The following SFXN5 variants were observed in gnomAD, a reference collection of about 807,000 sequenced individuals.
SFXN5 encodes the protein sideroflexin-5.
A neutral mutation model predicts 50.2 loss-of-function variants in SFXN5; 43 were observed. That is an observed-to-expected ratio of 0.86 (90% CI 0.67 to 1.11). The LOEUF (loss-of-function observed/expected upper bound fraction) is 1.11. Ranked by LOEUF, SFXN5 falls within the 50% of genes least tolerant of loss-of-function variation. SFXN5 has a pLI of 0.00. For missense variants in SFXN5, 463 were observed against 454.1 expected (o/e 1.02, Z -0.18); for synonymous variants, 203 against 185.8 (o/e 1.09, Z -0.75).
At chr2:73,047,251 T>TATATATATATATATATACACACAC (rs369153284) in intron 2 of SFXN5, among the ~76,000 whole-genome samples, 4 of 27,584 alleles carry the variant, frequency 1.5e-4, no homozygotes, top group Non-Finnish European at 3.2e-4. Context: ...AAAAAATATA[T>TATATATATATATATATACACACAC]ATATATATAT....
At chr2:72,971,768 C>T (rs559008717) in intron 10 of SFXN5, 83 bp from the exon 11 acceptor site, 165 of 1,042,958 alleles carry the variant, frequency 1.6e-4, no homozygotes, top group Middle Eastern at 4.1e-4. Context: ...CTCCTTCCTA[C>T]GCAAGCCTTG....
At chr2:72,967,320 C>T (rs1321567161) in intron 12 of SFXN5, 4 of 152,144 alleles carry the variant, frequency 2.6e-5, no homozygotes, top group Non-Finnish European at 5.9e-5. Context: ...ATGGAGATGA[C>T]ATTCTAGTAG....
intron 12 of SFXN5, among the ~76,000 whole-genome samples, chr2:72,962,755 C>T (rs1673891079): frequency 6.6e-6 from 1 of 152,206 alleles, no homozygotes; most frequent in South Asian, 2.1e-4. Flanking sequence ...GCTCATGTTA[C>T]CTGCGGGAAG....
intron 1 of SFXN5, among the ~76,000 whole-genome samples, chr2:73,062,858 T>C (rs574675252): frequency 3.7e-4 from 57 of 152,334 alleles, no homozygotes; most frequent in African/African-American, 1.3e-3. Flanking sequence ...TGAGTTTACC[T>C]AGCAGAGGAG....
At chr2:72,978,285 CT>C (rs1190004946) in intron 10 of SFXN5, among the ~76,000 whole-genome samples, 276 of 139,816 alleles carry the variant, frequency 2.0e-3, no homozygotes, top group Non-Finnish European at 2.0e-3. Flanking sequence ...CTTTTTCTTT[CT>C]TTTTTTTTTT....
intron 9 of SFXN5, among the ~76,000 whole-genome samples, chr2:72,989,160 T>A (rs892388988): frequency 6.6e-6 from 1 of 152,160 alleles, no homozygotes; most frequent in Non-Finnish European, 1.5e-5. Flanking sequence ...AAAACCCAAG[T>A]TCAACCCCGA....
intron 1 of SFXN5, chr2:73,059,255 C>A (rs1682549068): frequency 3.0e-6 from 3 of 985,572 alleles, no homozygotes; most frequent in African/African-American, 3.5e-5. Flanking sequence ...ACCAAGCAAC[C>A]CGGCTGCTGG....
chr2:73,022,460 G>A (rs1677013862), intron 5 of SFXN5, 62 bp downstream of exon 5: 1 of 1,290,944 alleles, frequency 7.7e-7, no homozygotes, highest in South Asian at 1.2e-5. Flanking sequence ...GGATGCTCCT[G>A]GAACTGTGAC....
At chr2:73,045,419 C>A (rs777030058) in intron 2 of SFXN5, among the ~76,000 whole-genome samples, 4 of 151,966 alleles carry the variant, frequency 2.6e-5, no homozygotes, top group Non-Finnish European at 5.9e-5. Flanking sequence ...CTGAGTCCAG[C>A]GTAACACAGA....
intron 12 of SFXN5, among the ~76,000 whole-genome samples, chr2:72,967,645 G>A (rs745705336): frequency 1.2e-4 from 19 of 152,170 alleles, no homozygotes; most frequent in East Asian, 5.8e-4. Context: ...TATACCACAC[G>A]CCCCCAATTC....
At chr2:72,951,371 C>A (rs1396246801) in intron 13 of SFXN5, among the ~76,000 whole-genome samples, 1 of 152,204 alleles carries the variant, frequency 6.6e-6, no homozygotes, top group Admixed American at 6.5e-5. Flanking sequence ...GCCTCCCGGG[C>A]ACCCTAAGGC....
chr2:73,034,001 AC>A (rs1678643341), intron 3 of SFXN5, among the ~76,000 whole-genome samples: 1 of 152,164 alleles, frequency 6.6e-6, no homozygotes, highest in Non-Finnish European at 1.5e-5. Flanking sequence ...AGTCTGAGAA[AC>A]CCTGGAGCAG....
chr2:73,028,229 G>T (rs1385496847), intron 3 of SFXN5, among the ~76,000 whole-genome samples: 5 of 152,212 alleles, frequency 3.3e-5, no homozygotes, highest in Non-Finnish European at 1.5e-5. Flanking sequence ...TGTTAAGTGA[G>T]GCATGACTGT....
intron 1 of SFXN5, among the ~76,000 whole-genome samples, chr2:73,068,275 G>C (rs1277938262): frequency 3.3e-5 from 5 of 152,216 alleles, no homozygotes; most frequent in Non-Finnish European, 4.4e-5. Flanking sequence ...CAACCACCTT[G>C]AAGCAGGCTT....
intron 2 of SFXN5, among the ~76,000 whole-genome samples, chr2:73,057,735 G>A (rs1682328807): frequency 6.6e-6 from 1 of 152,182 alleles, no homozygotes; most frequent in Non-Finnish European, 1.5e-5. Flanking sequence ...ATGGTGGGAG[G>A]TGATTGAATG....
At chr2:73,023,328 A>G in intron 3 of SFXN5, 114 bp from the exon 4 acceptor site, 1 of 1,077,940 alleles carries the variant, frequency 9.3e-7, no homozygotes, top group African/African-American at 1.6e-5. Context: ...AAAGCCCGAA[A>G]GAAGCTCGGG....
chr2:72,995,000 C>G (rs989790623), intron 9 of SFXN5: 5 of 152,236 alleles, frequency 3.3e-5, no homozygotes, highest in African/African-American at 1.2e-4. Context: ...GTAGGGGCCC[C>G]TCCCTGCTCC....
intron 3 of SFXN5, among the ~76,000 whole-genome samples, chr2:73,039,637 G>C (rs1411396747): frequency 6.6e-6 from 1 of 152,138 alleles, no homozygotes; most frequent in African/African-American, 2.4e-5. Flanking sequence ...TTGAGAAATA[G>C]CAGTGTAGAT....
rs1672161504 is a variant in SFXN5, at chr2:72,988,365, T to A, written c.535-17A>T. ...AAGGCCCACCTTTGAAAGAAAAAAATAAAAACACAGAAAAAGTACATGATG... is the reference window on the plus strand; with the variant it reads ...AAGGCCCACCTTTGAAAGAAAAAAAAAAAAACACAGAAAAAGTACATGATG... On this transcript the variant is annotated splice_polypyrimidine_tract_variant and intron_variant, in intron 9 of 13. Coordinates refer to ENST00000272433, the MANE Select transcript of SFXN5 (RefSeq NM_144579.3). 1 of 1,610,578 alleles carries A rather than the reference T, an allele frequency of 6.2e-7. No individual in the cohort carries two copies. Among genetic ancestry groups the A allele is most frequent in the Non-Finnish European group, 8.5e-7 (1 of 1,177,826 alleles).
Sources: allele counts gnomAD v4.1 joint callset (sites outside exome capture counted in the v4.1 genomes callset), GRCh38; gene constraint gnomAD v4.1.1; transcripts MANE v1.5; gene names NCBI Gene and HGNC (gene_info 2026-07-23, HGNC 2026-07-21).